Variants in XNDC1N observed in about 807,000 individuals in gnomAD.
The protein encoded by XNDC1N is XRCC1 N-terminal domain containing 1, N-terminal like, also known as protein XNDC1N.
the XNDC1N span, among the ~76,000 whole-genome samples, chr11:71,868,187 T>C: frequency 2.0e-5 from 3 of 152,240 alleles, no homozygotes; most frequent in African/African-American, 7.2e-5. Flanking sequence ...TGGGCTTACA[T>C]GCAATGACAC....
the XNDC1N span, among the ~76,000 whole-genome samples, chr11:71,919,818 C>A: frequency 1.3e-5 from 2 of 148,600 alleles, no homozygotes; most frequent in Non-Finnish European, 3.0e-5. Flanking sequence ...GGGGTTTCAC[C>A]GTGTTAGCCA....
At chr11:71,924,670 C>T in the XNDC1N span, among the ~76,000 whole-genome samples, 9 of 151,184 alleles carry the variant, frequency 6.0e-5, no homozygotes, top group Non-Finnish European at 1.0e-4. Flanking sequence ...GGCTACAGAG[C>T]GAGACTCCGT....
the XNDC1N span, among the ~76,000 whole-genome samples, chr11:71,909,733 CAG>C: frequency 1.1e-4 from 17 of 152,280 alleles, no homozygotes; most frequent in Admixed American, 3.9e-4. Context: ...CTGCTTGTCT[CAG>C]ACTTGTACTG....
the XNDC1N span, among the ~76,000 whole-genome samples, chr11:71,888,619 A>C: frequency 8.5e-5 from 13 of 152,264 alleles, no homozygotes; most frequent in Middle Eastern, 3.4e-3. Context: ...TCTCTCAACA[A>C]CTAGACGGGG....
At chr11:71,912,911 C>A in the XNDC1N span, among the ~76,000 whole-genome samples, 1 of 152,134 alleles carries the variant, frequency 6.6e-6, no homozygotes, top group Admixed American at 6.5e-5. Context: ...GGTGTACTCC[C>A]CCTTGCATAT....
chr11:71,885,918 T>A, the XNDC1N span, among the ~76,000 whole-genome samples: 35 of 151,168 alleles, frequency 2.3e-4, no homozygotes, highest in Non-Finnish European at 4.3e-4. Context: ...TAATATTAAT[T>A]ATCATTATTA....
At chr11:71,914,673 G>C in the XNDC1N span, among the ~76,000 whole-genome samples, 2 of 150,402 alleles carry the variant, frequency 1.3e-5, no homozygotes, top group African/African-American at 4.9e-5. Context: ...AGGTGACAGA[G>C]AGAGACTTTG....
chr11:71,869,660 T>A, the XNDC1N span, among the ~76,000 whole-genome samples: 4 of 152,222 alleles, frequency 2.6e-5, no homozygotes, highest in African/African-American at 9.6e-5. Flanking sequence ...TTTATTAGAT[T>A]CCTTAGATTC....
At chr11:71,871,721 C>T in the XNDC1N span, among the ~76,000 whole-genome samples, 1 of 151,840 alleles carries the variant, frequency 6.6e-6, no homozygotes, top group African/African-American at 2.4e-5. Flanking sequence ...ACACATTTCA[C>T]CAAAGAAAAT....
At chr11:71,878,744 C>T in the XNDC1N span, among the ~76,000 whole-genome samples, 5 of 151,770 alleles carry the variant, frequency 3.3e-5, no homozygotes, top group East Asian at 9.7e-4. Flanking sequence ...TCTATAATCC[C>T]AGCATTTGGG....
chr11:71,918,265 C>A, the XNDC1N span, among the ~76,000 whole-genome samples: 1 of 152,112 alleles, frequency 6.6e-6, no homozygotes, highest in Non-Finnish European at 1.5e-5. Context: ...CAGGTGTATG[C>A]AGGTTCTATT....
At chr11:71,897,440 A>G in the XNDC1N span, among the ~76,000 whole-genome samples, 4 of 152,218 alleles carry the variant, frequency 2.6e-5, no homozygotes, top group African/African-American at 9.6e-5. Context: ...ACGTGTCCCT[A>G]AAGAAGATAT....
chr11:71,889,637 G>A, the XNDC1N span, among the ~76,000 whole-genome samples: 6 of 152,132 alleles, frequency 3.9e-5, no homozygotes, highest in South Asian at 2.1e-4. Context: ...TTGTTAGGCC[G>A]GTATTTCTAC....
chr11:71,874,999 G>A, the XNDC1N span, among the ~76,000 whole-genome samples: 1 of 152,158 alleles, frequency 6.6e-6, no homozygotes, highest in Non-Finnish European at 1.5e-5. Context: ...AACTCCAGCA[G>A]CCACTTGGGT....
chr11:71,903,089 T>A, the XNDC1N span: 1 of 561,218 alleles, frequency 1.8e-6, no homozygotes, highest in South Asian at 1.8e-5. Context: ...TACTTGTGAA[T>A]TGCTTCTATC....
chr11:71,880,865 G>T, the XNDC1N span, among the ~76,000 whole-genome samples: 1 of 151,680 alleles, frequency 6.6e-6, no homozygotes, highest in African/African-American at 2.4e-5. Flanking sequence ...TTCTATTTTT[G>T]TCTAGAATAT....
chr11:71,889,108 G>A, the XNDC1N span, among the ~76,000 whole-genome samples: 1 of 152,174 alleles, frequency 6.6e-6, no homozygotes, highest in Non-Finnish European at 1.5e-5. Flanking sequence ...CTAGAAAGCT[G>A]AACTCATTGC....
the XNDC1N span, among the ~76,000 whole-genome samples, chr11:71,910,333 T>C: frequency 5.3e-5 from 8 of 151,956 alleles, no homozygotes; most frequent in African/African-American, 9.6e-5. Flanking sequence ...CTGAAAGACG[T>C]TTTCTTTCCT....
the XNDC1N span, among the ~76,000 whole-genome samples, chr11:71,888,202 T>C: frequency 2.5e-4 from 38 of 152,266 alleles, no homozygotes; most frequent in Admixed American, 3.3e-4. Flanking sequence ...TCAGATCTGC[T>C]GACAGAAGGT....
Sources: gnomAD v4.1 joint callset for allele counts (sites outside exome capture counted in the v4.1 genomes callset) on GRCh38, gnomAD v4.1.1 for gene constraint, MANE v1.5 for transcripts, NCBI Gene and HGNC (gene_info 2026-07-23, HGNC 2026-07-21) for gene names.